NOCT: variants seen among roughly 807,000 people sequenced by gnomAD.
The protein encoded by NOCT is CCR4 carbon catabolite repression 4-like.
A neutral mutation model predicts 35.0 loss-of-function variants in NOCT; 18 were observed. The ratio of observed to expected loss-of-function variants is 0.51; its 90% CI spans 0.36 to 0.76. NOCT has a LOEUF of 0.76. Among genes scored for constraint, NOCT ranks in the 30% least tolerant of loss-of-function variants. The pLI is 0.01. For synonymous variants in NOCT, 235 were observed against 226.3 expected (o/e 1.04, Z -0.34); for missense variants, 479 against 541.0 (o/e 0.89, Z 1.14).
intron 1 of NOCT, among the ~76,000 whole-genome samples, chr4:139,037,947 T>C (rs776712977): frequency 3.3e-5 from 5 of 150,528 alleles, no homozygotes; most frequent in Non-Finnish European, 5.9e-5. Context: ...ACGCCTATAA[T>C]TCCCAGCACT....
chr4:139,037,620 GT>G (rs1726758012), intron 1 of NOCT, among the ~76,000 whole-genome samples: 1 of 152,130 alleles, frequency 6.6e-6, no homozygotes. Context: ...CAGTAGAGCT[GT>G]TATATGAGGA....
In NOCT at chr4:139,043,486, G is replaced by A. The variant is rs1479921571; in HGVS notation, c.460+143G>A. 7 of 750,292 alleles carry A rather than the reference G, an allele frequency of 9.3e-6. No individual in the cohort carries two copies. The East Asian group carries it at 1.8e-4, about 19-fold the overall frequency. The allele number at this position is 750,292 out of a possible 1,614,324, so 46.5% of individuals were successfully genotyped here. A position where few individuals can be genotyped will look rare whatever the true frequency, so the allele number is the denominator to read the frequency against. ...ACTGCAGCAGCATGGAGAGCTCCTAGAAGAGGTTAAGACAGGGAATCATCT... is the reference window on the plus strand; with the variant it reads ...ACTGCAGCAGCATGGAGAGCTCCTAAAAGAGGTTAAGACAGGGAATCATCT... On this transcript the variant is annotated intron_variant, in intron 2 of 2. Transcript: ENST00000280614.
intron 1 of NOCT, among the ~76,000 whole-genome samples, chr4:139,041,313 A>G (rs1421226230): frequency 6.6e-6 from 1 of 152,214 alleles, no homozygotes; most frequent in African/African-American, 2.4e-5. Context: ...GATGTGATTG[A>G]TAAGCCTGCC....
intron 1 of NOCT, among the ~76,000 whole-genome samples, chr4:139,030,977 G>T (rs1221297317): frequency 6.6e-6 from 1 of 152,064 alleles, no homozygotes; most frequent in Non-Finnish European, 1.5e-5. Flanking sequence ...CTTTTGCTTG[G>T]TTTTTAATCA....
intron 1 of NOCT, among the ~76,000 whole-genome samples, chr4:139,038,998 C>A (rs999916383): frequency 6.6e-6 from 1 of 151,892 alleles, no homozygotes; most frequent in Non-Finnish European, 1.5e-5. Context: ...TTAATGTATT[C>A]GTGAGTGTGT....
At chr4:139,038,324 C>T (rs984962486) in intron 1 of NOCT, among the ~76,000 whole-genome samples, 2 of 152,078 alleles carry the variant, frequency 1.3e-5, no homozygotes, top group Non-Finnish European at 1.5e-5. Context: ...AATTTGGTCA[C>T]GCTGCAGTAT....
At position 139,043,348 on chromosome 4, in the gene NOCT, G is replaced by C; in HGVS notation, c.460+5G>C. 1 of 1,610,820 alleles carries C rather than the reference G, an allele frequency of 6.2e-7. No homozygotes were observed. On this transcript the variant is annotated splice_donor_5th_base_variant and intron_variant, in intron 2 of 2. Transcript: ENST00000280614. Reference sequence around the variant, plus strand: ...AATGGAACATCCTCGCCCAAGGTATGCTGGATGCTTTTGTGCCTCTGCAGT... The same window carrying C: ...AATGGAACATCCTCGCCCAAGGTATCCTGGATGCTTTTGTGCCTCTGCAGT...
intron 1 of NOCT, among the ~76,000 whole-genome samples, chr4:139,018,502 A>G (rs2148641603): frequency 6.6e-6 from 1 of 152,342 alleles, no homozygotes; most frequent in Middle Eastern, 3.4e-3. Context: ...ACTTTATGGT[A>G]CTTAAACTTT....
At chr4:139,023,841 C>A (rs1471181137) in intron 1 of NOCT, among the ~76,000 whole-genome samples, 1 of 152,126 alleles carries the variant, frequency 6.6e-6, no homozygotes, top group Non-Finnish European at 1.5e-5. Flanking sequence ...TCTGTAGAAG[C>A]TTACAAGATT....
intron 1 of NOCT, among the ~76,000 whole-genome samples, chr4:139,040,042 C>CTTT (rs35176403): frequency 8.4e-6 from 1 of 119,604 alleles, no homozygotes; most frequent in African/African-American, 3.1e-5. Flanking sequence ...GTATCATTTT[C>CTTT]TTTTTTTTTT....
chr4:139,028,834 CTTTT>C (rs2148644099), intron 1 of NOCT, among the ~76,000 whole-genome samples: 1 of 152,198 alleles, frequency 6.6e-6, no homozygotes, highest in South Asian at 2.1e-4. Context: ...ATAGCCTTCT[CTTTT>C]TGTTTTGTTT....
intron 1 of NOCT, among the ~76,000 whole-genome samples, chr4:139,036,176 T>C (rs939943642): frequency 6.6e-6 from 1 of 152,178 alleles, no homozygotes; most frequent in African/African-American, 2.4e-5. Flanking sequence ...GGGCAGATAC[T>C]CATCTGTTTT....
At position 139,045,081 on chromosome 4, in the gene NOCT, C is replaced by T. The variant is rs1188396872; in HGVS notation, c.903C>T (p.Gly301=). ...TGWERFRSAQ[G]CDLLQNLQNI... is the part of the protein sequence containing the mutation. ...GGGAGCGGTTTCGATCAGCTCAAGG[C>T]TGTGACCTCCTTCAGAACCTGCAAA... is the stretch of plus-strand genomic sequence containing the variant. Residue 301 remains glycine, a synonymous_variant, in exon 3 of 3, where the codon GGC becomes GGT. Transcript: ENST00000280614. 9.9e-6 allele frequency: 16 copies of T among 1,614,084 alleles called. No homozygotes were observed. Among genetic ancestry groups the T allele is most frequent in the Admixed American group, 3.3e-5 (2 of 59,998 alleles).
intron 1 of NOCT, among the ~76,000 whole-genome samples, chr4:139,035,363 TGACCCTAAGC>T (rs1159798943): frequency 6.6e-6 from 1 of 152,196 alleles, no homozygotes; most frequent in Admixed American, 6.5e-5. Context: ...CTCAAACTCC[TGACCCTAAGC>T]GATCCTCCTG....
chr4:139,043,002 A>AT, intron 1 of NOCT, 72 bp from the exon 2 acceptor site: 1 of 1,383,814 alleles, frequency 7.2e-7, no homozygotes, highest in Admixed American at 2.1e-5. Flanking sequence ...GTAAATGTTT[A>AT]TCTTACAGTT....
intron 1 of NOCT, among the ~76,000 whole-genome samples, chr4:139,031,596 G>T (rs1055955698): frequency 6.6e-6 from 1 of 152,122 alleles, no homozygotes; most frequent in African/African-American, 2.4e-5. Context: ...CCTTATGGTC[G>T]CATTCTTAGG....
intron 1 of NOCT, among the ~76,000 whole-genome samples, chr4:139,029,137 CTGAA>C (rs1171506917): frequency 1.3e-5 from 2 of 152,306 alleles, no homozygotes; most frequent in East Asian, 3.9e-4. Context: ...CCACGCCCAG[CTGAA>C]TAATAGCCTT....
chr4:139,021,896 C>T (rs1726421903), intron 1 of NOCT, among the ~76,000 whole-genome samples: 1 of 151,928 alleles, frequency 6.6e-6, no homozygotes, highest in Non-Finnish European at 1.5e-5. Flanking sequence ...GTAGCTGGGA[C>T]TACAGGCATG....
intron 1 of NOCT, among the ~76,000 whole-genome samples, chr4:139,037,345 A>T (rs1318243002): frequency 6.6e-6 from 1 of 152,258 alleles, no homozygotes; most frequent in Non-Finnish European, 1.5e-5. Context: ...TCCATACATG[A>T]GTAGTGTTAT....
Sources: allele counts gnomAD v4.1 joint callset (sites outside exome capture counted in the v4.1 genomes callset), GRCh38; gene constraint gnomAD v4.1.1; transcripts MANE v1.5; gene names NCBI Gene and HGNC (gene_info 2026-07-23, HGNC 2026-07-21).